KCTD8: variants seen among roughly 807,000 people sequenced by gnomAD.
KCTD8 encodes the protein BTB/POZ domain-containing protein KCTD8.
A neutral mutation model predicts 31.5 loss-of-function variants in KCTD8; 27 were observed. That is an observed-to-expected ratio of 0.86 (90% CI 0.63 to 1.18). The LOEUF is 1.18. KCTD8 is among the 50% of genes most tolerant of loss of function. The pLI is 0.00. For synonymous variants in KCTD8, 290 were observed against 280.0 expected (o/e 1.04, Z -0.36); for missense variants, 658 against 647.7 (o/e 1.02, Z -0.17).
rs888645412 is a variant in KCTD8 at position 44,397,962 on chromosome 4, G to A, written c.961+49601C>T. Among the ~76,000 whole-genome samples the A allele has an allele frequency of 3.3e-5, 5 of 152,134 alleles. No homozygotes were observed. The East Asian group carries it at 5.8e-4, about 18-fold the overall frequency. ...CTTTTTTTAAAAAAACAAATTAAAT[G>A]TACTATCCTTTTGGTCACATCCTTT... On this transcript the variant is annotated intron_variant, in intron 1 of 1. Transcript: ENST00000360029.
intron 1 of KCTD8, among the ~76,000 whole-genome samples, chr4:44,362,282 C>T (rs1041216259): frequency 2.0e-5 from 3 of 152,106 alleles, no homozygotes; most frequent in Non-Finnish European, 4.4e-5. Flanking sequence ...AACTTTATTT[C>T]TTAAGCAGAT....
chr4:44,366,681 C>A (rs1273000326), intron 1 of KCTD8, among the ~76,000 whole-genome samples: 1 of 152,116 alleles, frequency 6.6e-6, no homozygotes, highest in Non-Finnish European at 1.5e-5. Context: ...GCAGCAGCAG[C>A]AGCATCAATA....
intron 1 of KCTD8, among the ~76,000 whole-genome samples, chr4:44,383,025 C>CT (rs1553904791): frequency 6.6e-6 from 1 of 151,014 alleles, no homozygotes; most frequent in Admixed American, 6.6e-5. Context: ...AACTAGCTGA[C>CT]AAAAAAAACA....
chr4:44,321,457 AGTTT>A (rs1718293330), intron 1 of KCTD8, among the ~76,000 whole-genome samples: 1 of 152,036 alleles, frequency 6.6e-6, no homozygotes, highest in Non-Finnish European at 1.5e-5. Flanking sequence ...TCCGTGTTTT[AGTTT>A]GTTTTATGTT....
intron 1 of KCTD8, among the ~76,000 whole-genome samples, chr4:44,197,268 C>A (rs1713974390): frequency 6.6e-6 from 1 of 152,132 alleles, no homozygotes; most frequent in Non-Finnish European, 1.5e-5. Context: ...ATGCCTCCCT[C>A]CACAGGGCAA....
rs1722028817 is a variant in KCTD8, at chr4:44,448,762, G to A, written c.-239C>T. On this transcript the variant is annotated 5_prime_UTR_variant, in exon 1 of 2. Coordinates refer to ENST00000360029, the MANE Select transcript of KCTD8 (RefSeq NM_198353.3). This position sits in a 1 kb window ranked among gnomAD's most constrained non-coding sequence, Gnocchi z 4.1. The stretch of plus-strand genomic sequence containing the variant: ...CCGCCGGTGCGGCGGCGGCAATGGA[G>A]AGGCAAGAAGGAGCTGCTGCTCCTT... 10 of 379,124 alleles carry A rather than the reference G, an allele frequency of 2.6e-5. No homozygotes were observed. In the East Asian group the frequency reaches 2.8e-4, roughly 10 times the overall value. 23.5% of individuals were successfully genotyped at this position (379,124 alleles called of 1,614,324 possible).
chr4:44,322,387 T>C (rs773791537), intron 1 of KCTD8, among the ~76,000 whole-genome samples: 30 of 152,060 alleles, frequency 2.0e-4, no homozygotes, highest in Non-Finnish European at 3.5e-4. Flanking sequence ...TGGCCATTTG[T>C]ATGTCTTCTT....
intron 1 of KCTD8, among the ~76,000 whole-genome samples, chr4:44,330,929 T>C (rs539296074): frequency 6.6e-6 from 1 of 151,896 alleles, no homozygotes; most frequent in South Asian, 2.1e-4. Context: ...AGAGAAGATA[T>C]GAGGCATACC....
intron 1 of KCTD8, among the ~76,000 whole-genome samples, chr4:44,219,843 A>G (rs541161939): frequency 1.3e-5 from 2 of 152,336 alleles, no homozygotes; most frequent in East Asian, 1.9e-4. Context: ...AACTGTTCCA[A>G]TGACTGACCT....
intron 1 of KCTD8, among the ~76,000 whole-genome samples, chr4:44,178,874 G>T (rs895503803): frequency 6.6e-6 from 1 of 152,142 alleles, no homozygotes; most frequent in Admixed American, 6.5e-5. Context: ...GATTAAGGAA[G>T]CCCTCTTTGA....
chr4:44,428,814 T>C (rs1381903905), intron 1 of KCTD8, among the ~76,000 whole-genome samples: 2 of 151,784 alleles, frequency 1.3e-5, no homozygotes, highest in South Asian at 2.1e-4. Context: ...TATAAGCAGA[T>C]GTTGTCAAAT....
intron 1 of KCTD8, among the ~76,000 whole-genome samples, chr4:44,260,413 CA>C (rs1372824642): frequency 1.3e-5 from 2 of 151,388 alleles, no homozygotes; most frequent in Non-Finnish European, 3.0e-5. Context: ...TTGAGAACAA[CA>C]AAATAATAAA....
intron 1 of KCTD8, among the ~76,000 whole-genome samples, chr4:44,267,382 C>G (rs1027618642): frequency 6.6e-6 from 1 of 152,218 alleles, no homozygotes; most frequent in Admixed American, 6.5e-5. Context: ...ATCTCTGGGA[C>G]GCATTCAAGG....
At chr4:44,366,606 C>T (rs548897803) in intron 1 of KCTD8, among the ~76,000 whole-genome samples, 4 of 152,138 alleles carry the variant, frequency 2.6e-5, no homozygotes, top group South Asian at 2.1e-4. Flanking sequence ...TTTATAGCAG[C>T]GTGAGAATGG....
At chr4:44,434,110 G>A (rs1369014767) in intron 1 of KCTD8, among the ~76,000 whole-genome samples, 1 of 151,722 alleles carries the variant, frequency 6.6e-6, no homozygotes, top group Non-Finnish European at 1.5e-5. Context: ...CCCCGAACAT[G>A]CCATTTTTGC....
At chr4:44,407,088 C>G (rs567029315) in intron 1 of KCTD8, among the ~76,000 whole-genome samples, 16 of 152,288 alleles carry the variant, frequency 1.1e-4, no homozygotes, top group Non-Finnish European at 1.8e-4. Context: ...AAATGCACTA[C>G]TTTTTCTTCT....
At chr4:44,334,178 A>C (rs1227324519) in intron 1 of KCTD8, among the ~76,000 whole-genome samples, 1 of 152,152 alleles carries the variant, frequency 6.6e-6, no homozygotes, top group Non-Finnish European at 1.5e-5. Context: ...AATATGTTTT[A>C]AAAGTCACTC....
intron 1 of KCTD8, among the ~76,000 whole-genome samples, chr4:44,400,728 CAAAAAAAAAA>C (rs34000545): frequency 1.0e-5 from 1 of 100,144 alleles, no homozygotes; most frequent in Non-Finnish European, 2.0e-5. Context: ...GACTCTGTCT[CAAAAAAAAAA>C]AAAAAAAAAA....
At chr4:44,220,545 C>T (rs1714777567) in intron 1 of KCTD8, among the ~76,000 whole-genome samples, 1 of 152,098 alleles carries the variant, frequency 6.6e-6, no homozygotes, top group Non-Finnish European at 1.5e-5. Context: ...CATTTTAATT[C>T]TGCAATCCAC....
Sources: gnomAD v4.1 joint callset for allele counts (sites outside exome capture counted in the v4.1 genomes callset) on GRCh38, gnomAD v4.1.1 for gene constraint, Gnocchi (gnomAD v3.1) non-coding constraint, MANE v1.5 for transcripts, NCBI Gene and HGNC (gene_info 2026-07-23, HGNC 2026-07-21) for gene names.